Variants in DNM1 observed in about 807,000 individuals in gnomAD.
The protein encoded by DNM1 is dynamin 1, also known as dynamin-1.
In DNM1, 29 loss-of-function variants were observed where a neutral mutation model predicts 104.6. That is an observed-to-expected ratio of 0.28 (90% CI 0.21 to 0.38). The LOEUF (loss-of-function observed/expected upper bound fraction) is 0.38. Among genes scored for constraint, DNM1 ranks in the 10% least tolerant of loss-of-function variants. The pLI is 1.00. For missense variants in DNM1, 640 were observed against 1,189.4 expected, an observed-to-expected ratio of 0.54 and a Z score of 6.79; for synonymous variants, 445 against 475.8, an observed-to-expected ratio of 0.94 and a Z score of 0.84.
rs532345704 is a variant in DNM1 at position 128,253,368 on chromosome 9, G to A, written c.2535-1286G>A. 2.3e-5 allele frequency: 13 copies of A among 572,136 alleles called. 1 individual carries two copies. The East Asian group carries it at 3.8e-4, about 17-fold the overall frequency. The allele number at this position is 572,136 out of a possible 1,614,324, so 35.4% of individuals were successfully genotyped here. A position where few individuals can be genotyped will look rare whatever the true frequency, so the allele number is the denominator to read the frequency against. ...GCCCAAGGCCTCCATGGCTGAGCCTGGAGGCTCTTGGAACAGGCTCCGCGC... is the reference window on the plus strand; with the variant it reads ...GCCCAAGGCCTCCATGGCTGAGCCTAGAGGCTCTTGGAACAGGCTCCGCGC... On this transcript the variant is annotated intron_variant, in intron 21 of 21. Transcript: ENST00000372923. The surrounding 1 kb of genome is among the most constrained non-coding windows in gnomAD (Gnocchi z 5.9).
At chr9:128,251,357 G>T in intron 21 of DNM1, 1 of 348,696 alleles carries the variant, frequency 2.9e-6, no homozygotes. Context: ...TCTGAACCCC[G>T]ATCTGCTCTG....
chr9:128,208,683 T>C (rs897342033), intron 1 of DNM1, among the ~76,000 whole-genome samples: 4 of 152,084 alleles, frequency 2.6e-5, no homozygotes, highest in African/African-American at 7.3e-5. Context: ...GCCAGACCCA[T>C]CCTGCTTGGG....
intron 10 of DNM1, among the ~76,000 whole-genome samples, chr9:128,226,472 G>A (rs1588384509): frequency 6.6e-6 from 1 of 152,264 alleles, no homozygotes; most frequent in African/African-American, 2.4e-5. Flanking sequence ...CACACGCTAA[G>A]TGCTTGCCCT....
rs1234896931 is a variant in DNM1 at position 128,254,322 on chromosome 9, A to T, written c.2535-332A>T. 1.4e-6 allele frequency: 2 copies of T among 1,397,906 alleles called. No homozygotes were observed. Among genetic ancestry groups the T allele is most frequent in the African/African-American group, 2.9e-5 (2 of 68,012 alleles). The allele number at this position is 1,397,906 out of a possible 1,614,324, so 86.6% of individuals were successfully genotyped here. A position where few individuals can be genotyped will look rare whatever the true frequency, so the allele number is the denominator to read the frequency against. On this transcript the variant is annotated intron_variant, in intron 21 of 21. Coordinates refer to ENST00000372923, the MANE Select transcript of DNM1 (RefSeq NM_004408.4). This position sits in a 1 kb window ranked among gnomAD's most constrained non-coding sequence, Gnocchi z 6.1. The stretch of plus-strand genomic sequence containing the variant: ...GGTTGGAAGACAGGGTGACCAGAGA[A>T]GAGGGAAGCCCGAGGGGGCCGAGCA...
chr9:128,230,492 C>T (rs1197973079), intron 10 of DNM1, among the ~76,000 whole-genome samples: 1 of 149,712 alleles, frequency 6.7e-6, no homozygotes, highest in African/African-American at 2.5e-5. Flanking sequence ...CTCTTGTTGC[C>T]CAGGCTGGAG....
At position 128,203,650 on chromosome 9, in the gene DNM1, C is replaced by T. The variant is rs1036489716; in HGVS notation, c.161+19C>T. ...TAGGCAGGTAGGCGCGGCGCGCCCC[C>T]AGGCGCCGACCCCCGACCCCCGGGA... On this transcript the variant is annotated intron_variant, in intron 1 of 21. Coordinates refer to ENST00000372923, the MANE Select transcript of DNM1 (RefSeq NM_004408.4). The surrounding 1 kb of genome is among the most constrained non-coding windows in gnomAD (Gnocchi z 5.3). 2.0e-6 allele frequency: 3 copies of T among 1,504,932 alleles called. No homozygotes were observed. In the African/African-American group the frequency reaches 4.3e-5, roughly 22 times the overall value. 93.2% of individuals were successfully genotyped at this position (1,504,932 alleles called of 1,614,324 possible). A position where few individuals can be genotyped will look rare whatever the true frequency, so the allele number is the denominator to read the frequency against.
rs1835061283 is a variant in DNM1 at position 128,222,125 on chromosome 9, C to T, written c.850-72C>T. 6.5e-7 allele frequency: 1 copy of T among 1,540,400 alleles called. No individual in the cohort carries two copies. Among genetic ancestry groups the T allele is most frequent in the East Asian group, 2.3e-5 (1 of 44,338 alleles). On this transcript the variant is annotated intron_variant, in intron 6 of 21. Coordinates refer to ENST00000372923, the MANE Select transcript of DNM1 (RefSeq NM_004408.4). This position sits in a 1 kb window ranked among gnomAD's most constrained non-coding sequence, Gnocchi z 7.8. ...CTCCACCTCACCACGTTCACACAGT[C>T]CCCTGGCATCCAAGTCCCTTCCTGG...
rs1288502555 is a variant in DNM1, at chr9:128,219,639, A to G, written c.590-349A>G. Among the ~76,000 whole-genome samples the G allele has an allele frequency of 6.0e-5, 9 of 151,124 alleles. No individual in the cohort carries two copies. In the East Asian group the frequency reaches 1.8e-3, roughly 30 times the overall value. On this transcript the variant is annotated intron_variant, in intron 4 of 21. Coordinates refer to ENST00000372923, the MANE Select transcript of DNM1 (RefSeq NM_004408.4). ...AGCCCTACTCGCACCACTGCAGTCC[A>G]GCATGGGCAAGAGTGAGACCCTGTC...
At position 128,247,051 on chromosome 9, in the gene DNM1, C is replaced by T; in HGVS notation, c.1782-324C>T. On this transcript the variant is annotated intron_variant, in intron 16 of 21. Transcript: ENST00000372923. This position sits in a 1 kb window ranked among gnomAD's most constrained non-coding sequence, Gnocchi z 5.1. Reference sequence around the variant, plus strand: ...GGCCATCAGAGGGGTCCTTAGAGAGCCACGGAGAAAGCTGGTGGGATCTGG... The same window carrying T: ...GGCCATCAGAGGGGTCCTTAGAGAGTCACGGAGAAAGCTGGTGGGATCTGG... The T allele has an allele frequency of 4.0e-6, 1 of 251,662 alleles. No homozygotes were observed. The allele number at this position is 251,662 out of a possible 1,614,324, so 15.6% of individuals were successfully genotyped here. A position where few individuals can be genotyped will look rare whatever the true frequency, so the allele number is the denominator to read the frequency against.
rs1017017192 is a variant in DNM1, at chr9:128,222,990, C to G, written c.1196+130C>G. The G allele has an allele frequency of 1.3e-5, 12 of 906,490 alleles. No individual in the cohort carries two copies. The highest frequency in any genetic ancestry group is 2.0e-5 in the Non-Finnish European group (12 of 590,366). The allele number at this position is 906,490 out of a possible 1,614,324, so 56.2% of individuals were successfully genotyped here. On this transcript the variant is annotated intron_variant, in intron 9 of 21. Transcript: ENST00000372923. The surrounding 1 kb of genome is among the most constrained non-coding windows in gnomAD (Gnocchi z 7.8). ...CTCTGTTCCCCAGTCCTCTCGACCC[C>G]AACTTTCTGGCTCCCTGCATGACAG...
chr9:128,218,504 C>A lies in DNM1; in HGVS notation c.236-78C>A. 1 of 1,526,060 alleles carries A rather than the reference C, an allele frequency of 6.6e-7. No individual in the cohort carries two copies. The allele number at this position is 1,526,060 out of a possible 1,614,324, so 94.5% of individuals were successfully genotyped here. A position where few individuals can be genotyped will look rare whatever the true frequency, so the allele number is the denominator to read the frequency against. ...GGGTGTGTCTAGGGGGTTCTATTAC[C>A]GGTGGGAGATGAAAACCCCCAGGTG... On this transcript the variant is annotated intron_variant, in intron 2 of 21. Coordinates refer to ENST00000372923, the MANE Select transcript of DNM1 (RefSeq NM_004408.4). This position sits in a 1 kb window ranked among gnomAD's most constrained non-coding sequence, Gnocchi z 4.8.
Position 128,245,559 on chromosome 9 carries a change from C to T in DNM1, c.1672-835C>T, listed in dbSNP as rs1836745235. ...GAGCACACACATGGGCCTAGCACCC[C>T]ACACGCCTGTGCACAGATACACATA... On this transcript the variant is annotated intron_variant, in intron 15 of 21. Transcript: ENST00000372923. This position sits in a 1 kb window ranked among gnomAD's most constrained non-coding sequence, Gnocchi z 5.2. 1.3e-5 allele frequency among the ~76,000 whole-genome samples: 2 copies of T among 152,122 alleles called. No individual in the cohort carries two copies. Among genetic ancestry groups the T allele is most frequent in the African/African-American group, 4.8e-5 (2 of 41,412 alleles).
intron 10 of DNM1, 67 bp from the exon 11 acceptor site, chr9:128,233,954 G>A (rs970759783): frequency 7.1e-7 from 1 of 1,410,620 alleles, no homozygotes; most frequent in African/African-American, 1.4e-5. Context: ...CTGGACTCGT[G>A]GGGTGTGGGT....
chr9:128,245,820 A>G lies in DNM1; in HGVS notation c.1672-574A>G, dbSNP rs1238533102. ...CCCAGATACACATGTGCACACACAC[A>G]CAATAGCTGATAGGATATGTACTTG... On this transcript the variant is annotated intron_variant, in intron 15 of 21. Transcript: ENST00000372923. This position sits in a 1 kb window ranked among gnomAD's most constrained non-coding sequence, Gnocchi z 5.2. Among the ~76,000 whole-genome samples, 1 of 152,214 alleles carries G rather than the reference A, an allele frequency of 6.6e-6. No individual in the cohort carries two copies. The highest frequency in any genetic ancestry group is 2.4e-5 in the African/African-American group (1 of 41,464).
At chr9:128,207,803 A>C (rs921113325) in intron 1 of DNM1, among the ~76,000 whole-genome samples, 2 of 152,126 alleles carry the variant, frequency 1.3e-5, no homozygotes, top group Non-Finnish European at 2.9e-5. Context: ...CGCTGCTTCT[A>C]TCCCTGCCTG....
intron 1 of DNM1, among the ~76,000 whole-genome samples, chr9:128,205,776 C>A (rs1039138788): frequency 6.6e-6 from 1 of 152,192 alleles, no homozygotes; most frequent in Non-Finnish European, 1.5e-5. Flanking sequence ...CAGCCCCTGC[C>A]TTCCTGGAGC....
rs1836770362 is a variant in DNM1 at position 128,245,875 on chromosome 9, C to G, written c.1672-519C>G. On this transcript the variant is annotated intron_variant, in intron 15 of 21. Coordinates refer to ENST00000372923, the MANE Select transcript of DNM1 (RefSeq NM_004408.4). This position sits in a 1 kb window ranked among gnomAD's most constrained non-coding sequence, Gnocchi z 5.2. ...TGCATGTGTTGGCACAAACACACAA[C>G]TACACACATGTTGCACACACAGGCA... Among the ~76,000 whole-genome samples the G allele has an allele frequency of 6.6e-6, 1 of 152,254 alleles. No individual in the cohort carries two copies. The highest frequency in any genetic ancestry group is 6.5e-5 in the Admixed American group (1 of 15,290).
chr9:128,215,506 G>A (rs2131135668), intron 1 of DNM1, among the ~76,000 whole-genome samples: 1 of 152,342 alleles, frequency 6.6e-6, no homozygotes, highest in South Asian at 2.1e-4. Flanking sequence ...CTCTGGGAGG[G>A]GTTGACCCCC....
At chr9:128,252,458 C>T in intron 21 of DNM1, 1 of 399,288 alleles carries the variant, frequency 2.5e-6, no homozygotes, top group South Asian at 1.9e-5. Context: ...GCTTACGTGG[C>T]AAGGAATCAG....
Sources: allele counts gnomAD v4.1 joint callset (sites outside exome capture counted in the v4.1 genomes callset), GRCh38; gene constraint gnomAD v4.1.1; non-coding constraint Gnocchi (gnomAD v3.1); transcripts MANE v1.5; gene names NCBI Gene and HGNC (gene_info 2026-07-23, HGNC 2026-07-21).